The following KLB variants were observed in gnomAD, a reference collection of about 807,000 sequenced individuals.
KLB encodes klotho beta.
KLB carries 44 observed loss-of-function variants against 88.4 expected under a neutral mutation model. That is an observed-to-expected ratio of 0.50 (90% CI 0.39 to 0.64). The LOEUF is 0.64. KLB is among the 30% of genes least tolerant of loss of function. The probability of loss-of-function intolerance (pLI) is 0.00; values close to 1 mark genes in which losing one functional copy is unlikely to be tolerated. For synonymous variants in KLB, 548 were observed against 513.4 expected, an observed-to-expected ratio of 1.07 and a Z score of -0.91; for missense variants, 1,137 against 1,304.8, an observed-to-expected ratio of 0.87 and a Z score of 1.98.
chr4:39,431,098 T>C (rs1348211983), intron 1 of KLB, among the ~76,000 whole-genome samples: 1 of 149,874 alleles, frequency 6.7e-6, no homozygotes, highest in Non-Finnish European at 1.5e-5. Context: ...TGTATTTTTT[T>C]TTTTTTTTTT....
At chr4:39,443,058 A>G (rs1399393909) in intron 3 of KLB, among the ~76,000 whole-genome samples, 1 of 152,162 alleles carries the variant, frequency 6.6e-6, no homozygotes, top group Non-Finnish European at 1.5e-5. Flanking sequence ...AACTGCTTGT[A>G]GATTTCTCTG....
intron 2 of KLB, among the ~76,000 whole-genome samples, chr4:39,437,380 T>C (rs926788699): frequency 4.6e-5 from 7 of 152,250 alleles, no homozygotes; most frequent in Non-Finnish European, 5.9e-5. Flanking sequence ...AAGAAACTCT[T>C]GGTCATGAGC....
intron 1 of KLB, among the ~76,000 whole-genome samples, chr4:39,420,411 AACTTTAC>A (rs1413244353): frequency 6.6e-6 from 1 of 152,210 alleles, no homozygotes; most frequent in Non-Finnish European, 1.5e-5. Flanking sequence ...AGAGTAGCTG[AACTTTAC>A]ATTTAAGTCT....
Position 39,407,676 on chromosome 4 carries a change from T to C in KLB, c.727T>C (p.Tyr243His). Residue 243 changes from tyrosine to histidine, a missense_variant, in exon 1 of 5, where the codon TAT becomes CAT. Tyr to His is a moderately conservative substitution (Grantham distance 83, BLOSUM62 2). This residue lies in a region of KLB where 597 missense variants were observed against 765.2 expected (regional missense o/e 0.78). Coordinates refer to ENST00000257408, the MANE Select transcript of KLB (RefSeq NM_175737.4). ...VKYWITIHNP[Y>H]LVAWHGYGTG... is the part of the protein sequence containing the mutation. ...ATATTGGATTACAATTCACAACCCA[T>C]ATCTAGTGGCTTGGCATGGGTATGG... 6.2e-7 allele frequency: 1 copy of C among 1,614,120 alleles called. No homozygotes were observed. The highest frequency in any genetic ancestry group is 8.5e-7 in the Non-Finnish European group (1 of 1,179,970).
chr4:39,439,704 A>T (rs973112356), intron 3 of KLB, among the ~76,000 whole-genome samples: 4 of 144,006 alleles, frequency 2.8e-5, no homozygotes, highest in Non-Finnish European at 6.1e-5. Flanking sequence ...CTTGTTGCTC[A>T]TCGCCCAGGC....
intron 3 of KLB, among the ~76,000 whole-genome samples, chr4:39,444,081 C>CG (rs987616168): frequency 2.9e-4 from 43 of 150,030 alleles, no homozygotes; most frequent in Non-Finnish European, 5.2e-4. Flanking sequence ...CGCTTGAACC[C>CG]GGGGGGCGGA....
chr4:39,418,631 C>A (rs1743013253), intron 1 of KLB, among the ~76,000 whole-genome samples: 2 of 151,850 alleles, frequency 1.3e-5, no homozygotes, highest in South Asian at 4.2e-4. Context: ...ATCTAAGACA[C>A]CTCTAACAAA....
chr4:39,446,422 G>A lies in KLB; in HGVS notation c.1696G>A (p.Gly566Arg), dbSNP rs1743747484. 6.2e-7 allele frequency: 1 copy of A among 1,614,226 alleles called. No individual in the cohort carries two copies. Among genetic ancestry groups the A allele is most frequent in the East Asian group, 2.2e-5 (1 of 44,892 alleles). Reference protein sequence around the residue: ...TGNRLLHRVEGVRLKTRPAQC... With the variant: ...TGNRLLHRVERVRLKTRPAQC... ...CAACAGACTGTTGCACCGAGTGGAA[G>A]GGGTGAGGCTGAAAACACGACCCGC... is the stretch of plus-strand genomic sequence containing the variant. Residue 566 changes from glycine to arginine, a missense_variant, in exon 4 of 5, where the codon GGG (glycine) becomes AGG (arginine). Physicochemically the swap from Gly to Arg is moderately radical, Grantham distance 125 (BLOSUM62 -2). This residue lies in a region of KLB where 597 missense variants were observed against 765.2 expected (regional missense o/e 0.78). Coordinates refer to ENST00000257408, the MANE Select transcript of KLB (RefSeq NM_175737.4). This position sits in a 1 kb window ranked among gnomAD's most constrained non-coding sequence, Gnocchi z 6.4.
chr4:39,422,241 A>G (rs1490691059), intron 1 of KLB, among the ~76,000 whole-genome samples: 1 of 152,160 alleles, frequency 6.6e-6, no homozygotes, highest in African/African-American at 2.4e-5. Context: ...TGAAGGACTT[A>G]GTTCTATTTC....
At position 39,437,808 on chromosome 4, in the gene KLB, C is replaced by T. The variant is rs1241069041; in HGVS notation, c.1418C>T (p.Thr473Ile). Residue 473 changes from threonine (T) to isoleucine (I), a missense_variant, in exon 3 of 5, where the codon ACC becomes ATC. Coordinates refer to ENST00000257408, the MANE Select transcript of KLB (RefSeq NM_175737.4). ...GGCTTTGAATGGCAGGATGCTTACA[C>T]CATCCGCCGAGGATTATTTTATGTG... The part of the protein sequence containing the change: ...LDGFEWQDAY[T>I]IRRGLFYVDF... 1.2e-6 allele frequency: 2 copies of T among 1,614,040 alleles called. No individual in the cohort carries two copies. The highest frequency in any genetic ancestry group is 1.1e-5 in the South Asian group (1 of 91,080).
At chr4:39,442,431 T>TC (rs146475894) in intron 3 of KLB, among the ~76,000 whole-genome samples, 14 of 143,024 alleles carry the variant, frequency 9.8e-5, no homozygotes, top group African/African-American at 1.6e-4. Context: ...TCTGCCTCTC[T>TC]CCCCTTTTTT....
In KLB at chr4:39,448,880, A is replaced by C; in HGVS notation, c.*194A>C. ...TGACATCAGTGAACTCAGTTCTTGG[A>C]TGTAAACATAAAGGCTTCATCCTGA... On this transcript the variant is annotated 3_prime_UTR_variant, in exon 5 of 5. Coordinates refer to ENST00000257408, the MANE Select transcript of KLB (RefSeq NM_175737.4). The C allele has an allele frequency of 1.8e-6, 1 of 568,062 alleles. No individual in the cohort carries two copies. The highest frequency in any genetic ancestry group is 3.1e-6 in the Non-Finnish European group (1 of 324,492). The allele number at this position is 568,062 out of a possible 1,614,324, so 35.2% of individuals were successfully genotyped here. A position where few individuals can be genotyped will look rare whatever the true frequency, so the allele number is the denominator to read the frequency against.
chr4:39,431,498 G>A (rs1047671724), intron 1 of KLB, among the ~76,000 whole-genome samples: 8 of 151,812 alleles, frequency 5.3e-5, no homozygotes, highest in Admixed American at 1.3e-4. Context: ...TGATCCGCCC[G>A]CCTCGGCCTC....
In KLB at chr4:39,450,095, G is replaced by C. The variant is rs1000320636; in HGVS notation, c.*1409G>C. ...GAATGAGTTTAAATTGTTTTATATA[G>C]CACCCTTTTGGGCTAGGGTTAATTA... On this transcript the variant is annotated 3_prime_UTR_variant, in exon 5 of 5. Transcript: ENST00000257408. 6.6e-6 allele frequency: 1 copy of C among 152,094 alleles called. No individual in the cohort carries two copies. Among genetic ancestry groups the C allele is most frequent in the African/African-American group, 2.4e-5 (1 of 41,400 alleles). The allele number at this position is 152,094 out of a possible 1,614,324, so 9.4% of individuals were successfully genotyped here.
At chr4:39,412,537 C>T (rs1258464543) in intron 1 of KLB, among the ~76,000 whole-genome samples, 1 of 152,162 alleles carries the variant, frequency 6.6e-6, no homozygotes, top group Non-Finnish European at 1.5e-5. Context: ...CTCAGTCTCT[C>T]CTTACTATTT....
intron 1 of KLB, among the ~76,000 whole-genome samples, chr4:39,432,905 T>G: frequency 6.7e-6 from 1 of 148,524 alleles, no homozygotes; most frequent in African/African-American, 2.5e-5. Flanking sequence ...TGAGACAGAG[T>G]TTTGTTCTTG....
At chr4:39,443,597 A>AG in intron 3 of KLB, among the ~76,000 whole-genome samples, 1 of 149,640 alleles carries the variant, frequency 6.7e-6, no homozygotes, top group East Asian at 2.0e-4. Context: ...CTCTACAAAA[A>AG]AAAAAAAAAA....
chr4:39,420,047 A>G (rs1407252091), intron 1 of KLB, among the ~76,000 whole-genome samples: 1 of 152,084 alleles, frequency 6.6e-6, no homozygotes, highest in Non-Finnish European at 1.5e-5. Flanking sequence ...AGGGAAGCTG[A>G]GAATAGACCA....
chr4:39,436,687 G>A (rs1200691565), intron 2 of KLB, among the ~76,000 whole-genome samples: 3 of 151,890 alleles, frequency 2.0e-5, no homozygotes, highest in Non-Finnish European at 4.4e-5. Context: ...TGTTTGGACT[G>A]CTGTTGATTT....
Sources: allele counts gnomAD v4.1 joint callset (sites outside exome capture counted in the v4.1 genomes callset), GRCh38; gene constraint gnomAD v4.1.1; regional missense constraint gnomAD v4.1.1; non-coding constraint Gnocchi (gnomAD v3.1); transcripts MANE v1.5; gene names NCBI Gene and HGNC (gene_info 2026-07-23, HGNC 2026-07-21).